Variants in KDM4C observed in about 807,000 individuals in gnomAD.
KDM4C encodes lysine demethylase 4C.
In KDM4C, 81 loss-of-function variants were observed where a neutral mutation model predicts 129.3. The observed-to-expected ratio is 0.63, with a 90% confidence interval of 0.52 to 0.75. The LOEUF is 0.75. Ranked by LOEUF, KDM4C falls within the 30% of genes least tolerant of loss-of-function variation. The probability of loss-of-function intolerance (pLI) is 0.00; values close to 1 mark genes in which losing one functional copy is unlikely to be tolerated. For synonymous variants in KDM4C, 573 were observed against 456.1 expected, an observed-to-expected ratio of 1.26 and a Z score of -3.26; for missense variants, 1,457 against 1,304.0, an observed-to-expected ratio of 1.12 and a Z score of -1.81.
intron 19 of KDM4C, among the ~76,000 whole-genome samples, chr9:7,160,253 A>G (rs1193938556): frequency 6.6e-6 from 1 of 152,068 alleles, no homozygotes; most frequent in Non-Finnish European, 1.5e-5. Context: ...CAAGGTTTTT[A>G]GCTTCCTTGC....
intron 15 of KDM4C, among the ~76,000 whole-genome samples, chr9:7,018,475 T>A (rs556739506): frequency 6.7e-6 from 1 of 150,156 alleles, no homozygotes; most frequent in Non-Finnish European, 1.5e-5. Flanking sequence ...TTATTTATTA[T>A]ATAGGTCCTA....
intron 5 of KDM4C, among the ~76,000 whole-genome samples, chr9:6,859,824 C>T (rs1023540780): frequency 2.7e-5 from 4 of 148,024 alleles, no homozygotes; most frequent in African/African-American, 1.0e-4. Flanking sequence ...GAGATCGTGC[C>T]ACTGCACTCC....
chr9:7,077,026 C>T, intron 17 of KDM4C: 1 of 985,508 alleles, frequency 1.0e-6, no homozygotes, highest in Non-Finnish European at 1.2e-6. Flanking sequence ...TTCCTTCTTG[C>T]TGCACAACAA....
chr9:7,174,502 C>G (rs1373749224), intron 21 of KDM4C, 51 bp from the exon 22 acceptor site: 2 of 1,561,948 alleles, frequency 1.3e-6, no homozygotes, highest in Non-Finnish European at 1.8e-6. Context: ...GTCCAGTGTT[C>G]TGAAGATCAA....
Position 7,128,119 on chromosome 9 carries a change from G to C in KDM4C, c.2664G>C (p.Lys888Asn). The C allele has an allele frequency of 6.2e-7, 1 of 1,611,696 alleles. No individual in the cohort carries two copies. Among genetic ancestry groups the C allele is most frequent in the Non-Finnish European group, 8.5e-7 (1 of 1,179,044 alleles). ...VISVGQTVITKHRNTRYYSCR... is the reference protein window; with the variant it reads ...VISVGQTVITNHRNTRYYSCR... ...CCGTGGGTCAAACGGTCATCACGAA[G>C]CATCGGAACACCCGGTATTACAGTT... The change falls in exon 19 of 22, where the codon AAG becomes AAC. Residue 888 changes from lysine (K) to asparagine (N), a missense_variant. Transcript: ENST00000381309.
rs1389612839 is a variant in KDM4C, at chr9:6,758,011, C to G, written c.-210C>G. The G allele has an allele frequency of 1.0e-6, 1 of 985,334 alleles. No homozygotes were observed. The highest frequency in any genetic ancestry group is 1.7e-5 in the African/African-American group (1 of 57,246). 61.0% of individuals were successfully genotyped at this position (985,334 alleles called of 1,614,324 possible). On this transcript the variant is annotated 5_prime_UTR_variant, in exon 1 of 22. Coordinates refer to ENST00000381309, the MANE Select transcript of KDM4C (RefSeq NM_015061.6). This position sits in a 1 kb window ranked among gnomAD's most constrained non-coding sequence, Gnocchi z 4.6. ...CGCGCGCCTTCGCCGCTGCCTCCCA[C>G]CCACCCCCTCGACGGGAGGGTGAGG... is the stretch of plus-strand genomic sequence containing the variant.
At chr9:6,754,873 C>T (rs1818189729), upstream of KDM4C, among the ~76,000 whole-genome samples, 1 of 118,984 alleles carries the variant, frequency 8.4e-6, no homozygotes. Context: ...AAGATCCTGT[C>T]TCAAAGTAAA....
intron 15 of KDM4C, among the ~76,000 whole-genome samples, chr9:7,040,262 T>A (rs1344280757): frequency 1.3e-5 from 2 of 151,980 alleles, no homozygotes. Context: ...AGCATTTGTC[T>A]TTTAATGAAA....
intron 1 of KDM4C, among the ~76,000 whole-genome samples, chr9:6,774,423 G>C (rs944960133): frequency 2.6e-5 from 4 of 152,140 alleles, no homozygotes; most frequent in African/African-American, 9.7e-5. Flanking sequence ...CCAGCACTTT[G>C]GGAGGCCGAG....
At position 6,747,363 on chromosome 9, in the gene KDM4C, C is replaced by T. The variant is rs143098608; in HGVS notation, c.49+26366C>T. On this transcript the variant is annotated intron_variant, in intron 1 of 17. Transcript: ENST00000536108. ...GAGATCGAGACCATCCTGGCTAATA[C>T]GGTGAAACCCCGTCTCTACTAAAAA... Among the ~76,000 whole-genome samples, 1,243 of 151,456 alleles carry T rather than the reference C, an allele frequency of 8.2e-3. 11 individuals carry two copies. Among genetic ancestry groups the T allele is most frequent in the Non-Finnish European group, 0.012 (843 of 67,834 alleles).
intron 1 of KDM4C, among the ~76,000 whole-genome samples, chr9:6,767,738 C>T (rs370476630): frequency 6.6e-6 from 1 of 152,126 alleles, no homozygotes; most frequent in Admixed American, 6.6e-5. Flanking sequence ...GGATTACAGG[C>T]GTGATCTTCT....
At chr9:7,063,038 A>C (rs1053284978) in intron 17 of KDM4C, among the ~76,000 whole-genome samples, 1 of 152,212 alleles carries the variant, frequency 6.6e-6, no homozygotes, top group Non-Finnish European at 1.5e-5. Context: ...TAATTTCTTA[A>C]AACTAGAGAA....
intron 5 of KDM4C, among the ~76,000 whole-genome samples, chr9:6,863,882 C>G (rs1034299257): frequency 6.6e-6 from 1 of 151,378 alleles, no homozygotes; most frequent in South Asian, 2.1e-4. Flanking sequence ...GGAGTGAGAA[C>G]TCACCCATTA....
At position 7,170,044 on chromosome 9, in the gene KDM4C, C is replaced by G. The variant is rs764969080; in HGVS notation, c.2994+154C>G. Reference sequence around the variant, plus strand: ...TTTCCTTAGTGGAACCTATTGAATGCAAACTTCAAATTCAACCAAAATCGG... The same window carrying G: ...TTTCCTTAGTGGAACCTATTGAATGGAAACTTCAAATTCAACCAAAATCGG... On this transcript the variant is annotated intron_variant, in intron 21 of 21. Transcript: ENST00000381309. The G allele has an allele frequency of 9.2e-6, 14 of 1,521,528 alleles. No homozygotes were observed. In the South Asian group the frequency reaches 1.1e-4, roughly 12 times the overall value. The allele number at this position is 1,521,528 out of a possible 1,614,324, so 94.3% of individuals were successfully genotyped here.
intron 4 of KDM4C, among the ~76,000 whole-genome samples, chr9:6,827,319 A>T (rs1271615345): frequency 1.3e-5 from 2 of 152,188 alleles, no homozygotes; most frequent in Non-Finnish European, 2.9e-5. Flanking sequence ...TTACTTTATG[A>T]TAAGCAATAT....
intron 2 of KDM4C, among the ~76,000 whole-genome samples, chr9:6,802,674 C>G (rs1197862945): frequency 1.3e-5 from 2 of 152,190 alleles, no homozygotes; most frequent in Non-Finnish European, 2.9e-5. Flanking sequence ...GTCACTCAGG[C>G]TGTAGTGCAG....
At chr9:7,089,443 G>A (rs1034064114) in intron 17 of KDM4C, among the ~76,000 whole-genome samples, 1 of 152,144 alleles carries the variant, frequency 6.6e-6, no homozygotes. Context: ...AAGTTGGAAA[G>A]CATTTTTACT....
intron 8 of KDM4C, among the ~76,000 whole-genome samples, chr9:6,913,602 C>G (rs557712986): frequency 1.3e-5 from 2 of 152,236 alleles, no homozygotes; most frequent in African/African-American, 4.8e-5. Flanking sequence ...GTCCTCCTGC[C>G]CTGTTGGTGG....
At chr9:7,094,312 T>C (rs950390886) in intron 17 of KDM4C, among the ~76,000 whole-genome samples, 13 of 152,192 alleles carry the variant, frequency 8.5e-5, no homozygotes, top group African/African-American at 3.1e-4. Context: ...ATTCCTTAAG[T>C]TGGGAAAGGT....
Sources: gnomAD v4.1 joint callset for allele counts (sites outside exome capture counted in the v4.1 genomes callset) on GRCh38, gnomAD v4.1.1 for gene constraint, Gnocchi (gnomAD v3.1) non-coding constraint, MANE v1.5 for transcripts, NCBI Gene and HGNC (gene_info 2026-07-23, HGNC 2026-07-21) for gene names.